CNTN5: variants seen among roughly 807,000 people sequenced by gnomAD.
CNTN5 encodes contactin-5.
CNTN5 carries 77 observed loss-of-function variants against 129.1 expected under a neutral mutation model. That is an observed-to-expected ratio of 0.60 (90% CI 0.50 to 0.72). CNTN5 has a LOEUF of 0.72. Ranked by LOEUF, CNTN5 falls within the 30% of genes least tolerant of loss-of-function variation. The probability of loss-of-function intolerance (pLI) is 0.00; values close to 1 mark genes in which losing one functional copy is unlikely to be tolerated. For synonymous variants in CNTN5, 509 were observed against 465.6 expected (o/e 1.09, Z -1.20); for missense variants, 1,478 against 1,328.8 (o/e 1.11, Z -1.75).
At chr11:100,203,799 T>TACAC (rs59141425) in intron 15 of CNTN5, among the ~76,000 whole-genome samples, 2,545 of 139,146 alleles carry the variant, frequency 0.018, 60 homozygotes, top group African/African-American at 0.048. Flanking sequence ...AATGTGCACG[T>TACAC]ACACACACAC....
At chr11:99,941,504 A>T (rs1366977875) in intron 7 of CNTN5, among the ~76,000 whole-genome samples, 4 of 151,458 alleles carry the variant, frequency 2.6e-5, no homozygotes, top group Non-Finnish European at 4.4e-5. Context: ...CATAGTCAAG[A>T]TTTCTTCCCT....
rs1366167649 is a variant in CNTN5, at chr11:100,358,477, C to T, written c.*2257C>T. On this transcript the variant is annotated 3_prime_UTR_variant, in exon 25 of 25. Coordinates refer to ENST00000524871, the MANE Select transcript of CNTN5 (RefSeq NM_014361.4). ...TAAACCTATTTAAAAAACAGGTTTT[C>T]AATGTTTATGTACTTATGTGCTGCA... The T allele has an allele frequency of 2.0e-5, 3 of 151,766 alleles. No individual in the cohort carries two copies. Among genetic ancestry groups the T allele is most frequent in the South Asian group, 4.1e-4 (2 of 4,820 alleles). 9.4% of individuals were successfully genotyped at this position (151,766 alleles called of 1,614,324 possible).
intron 2 of CNTN5, among the ~76,000 whole-genome samples, chr11:99,541,012 T>C (rs1438266402): frequency 6.6e-6 from 1 of 152,224 alleles, no homozygotes; most frequent in Non-Finnish European, 1.5e-5. Flanking sequence ...TACCCTTTAA[T>C]GTGTAGCATT....
intron 1 of CNTN5, among the ~76,000 whole-genome samples, chr11:99,134,571 A>T (rs1326706961): frequency 2.0e-5 from 3 of 152,200 alleles, no homozygotes; most frequent in African/African-American, 4.8e-5. Flanking sequence ...CTGGGAGGAA[A>T]TTTGGCACTG....
intron 3 of CNTN5, among the ~76,000 whole-genome samples, chr11:99,792,930 T>A (rs1472330423): frequency 2.0e-5 from 3 of 152,206 alleles, no homozygotes; most frequent in Non-Finnish European, 4.4e-5. Flanking sequence ...TTCATAGTAG[T>A]CTCTGAGAGT....
intron 3 of CNTN5, among the ~76,000 whole-genome samples, chr11:99,696,800 G>T (rs1189478956): frequency 6.6e-6 from 1 of 151,922 alleles, no homozygotes; most frequent in Non-Finnish European, 1.5e-5. Context: ...AATTGTGATT[G>T]CCTTTAAAGT....
At chr11:99,039,618 A>G (rs1164487592) in intron 1 of CNTN5, among the ~76,000 whole-genome samples, 1 of 152,182 alleles carries the variant, frequency 6.6e-6, no homozygotes, top group African/African-American at 2.4e-5. Context: ...CGTACATTTC[A>G]GAGTCACACA....
chr11:99,245,394 C>T (rs563450287), intron 1 of CNTN5, among the ~76,000 whole-genome samples: 44 of 152,324 alleles, frequency 2.9e-4, no homozygotes, highest in Admixed American at 8.5e-4. Context: ...TCTTGGCTCA[C>T]TGCAACCTCT....
intron 3 of CNTN5, among the ~76,000 whole-genome samples, chr11:99,761,478 A>C (rs1453026688): frequency 6.6e-6 from 1 of 151,762 alleles, no homozygotes; most frequent in African/African-American, 2.4e-5. Flanking sequence ...ATGTGGTCTC[A>C]TTGTTCAATT....
intron 13 of CNTN5, among the ~76,000 whole-genome samples, chr11:100,147,040 T>A (rs984169341): frequency 4.6e-5 from 7 of 152,142 alleles, no homozygotes; most frequent in Non-Finnish European, 1.0e-4. Flanking sequence ...AACGTGATCA[T>A]GTCTTTTATA....
chr11:99,408,539 G>GAGA (rs34158616), intron 2 of CNTN5, among the ~76,000 whole-genome samples: 4 of 68,226 alleles, frequency 5.9e-5, no homozygotes, highest in South Asian at 5.4e-4. Context: ...TCAATATGTT[G>GAGA]CCTGGGCTGA....
intron 6 of CNTN5, among the ~76,000 whole-genome samples, chr11:99,905,767 C>T (rs1445845393): frequency 6.6e-6 from 1 of 152,138 alleles, no homozygotes; most frequent in East Asian, 1.9e-4. Flanking sequence ...TCTTCCTATC[C>T]ATGAGCATGG....
At chr11:99,237,788 C>A (rs1381611989) in intron 1 of CNTN5, among the ~76,000 whole-genome samples, 2 of 152,040 alleles carry the variant, frequency 1.3e-5, no homozygotes, top group Non-Finnish European at 2.9e-5. Context: ...TGTTTTAATT[C>A]TTTGATTTAA....
At chr11:99,647,238 A>G (rs1209573330) in intron 3 of CNTN5, among the ~76,000 whole-genome samples, 2 of 152,074 alleles carry the variant, frequency 1.3e-5, no homozygotes, top group East Asian at 1.9e-4. Flanking sequence ...TAAAGGGTGT[A>G]GTTTCACTCT....
chr11:99,935,120 T>G (rs545073512), intron 7 of CNTN5, among the ~76,000 whole-genome samples: 1 of 151,252 alleles, frequency 6.6e-6, no homozygotes, highest in African/African-American at 2.4e-5. Context: ...TTTTATACGA[T>G]ATAAAAATAT....
intron 1 of CNTN5, among the ~76,000 whole-genome samples, chr11:99,247,469 T>TTAG (rs1283728497): frequency 6.6e-6 from 1 of 151,808 alleles, no homozygotes; most frequent in Non-Finnish European, 1.5e-5. Flanking sequence ...ATTATTATTA[T>TTAG]TATTATTATA....
At chr11:100,023,185 G>A (rs950486495) in intron 9 of CNTN5, among the ~76,000 whole-genome samples, 2 of 151,902 alleles carry the variant, frequency 1.3e-5, no homozygotes, top group Non-Finnish European at 2.9e-5. Context: ...ATTTTTCATC[G>A]CTTTTCTTTT....
chr11:99,461,811 T>C (rs1944710065), intron 2 of CNTN5, among the ~76,000 whole-genome samples: 1 of 152,184 alleles, frequency 6.6e-6, no homozygotes, highest in Admixed American at 6.5e-5. Flanking sequence ...CTCTTTAAAA[T>C]GTGCAACTTT....
intron 6 of CNTN5, among the ~76,000 whole-genome samples, chr11:99,879,481 A>G (rs1282886654): frequency 6.6e-6 from 1 of 152,212 alleles, no homozygotes; most frequent in Non-Finnish European, 1.5e-5. Context: ...AGAACAGGTA[A>G]ACATAGAAGC....
Sources: allele counts gnomAD v4.1 joint callset (sites outside exome capture counted in the v4.1 genomes callset), GRCh38; gene constraint gnomAD v4.1.1; transcripts MANE v1.5; gene names NCBI Gene and HGNC (gene_info 2026-07-23, HGNC 2026-07-21).